The following STAB2 variants were observed in gnomAD, a reference collection of about 807,000 sequenced individuals.
STAB2 encodes stabilin-2.
A neutral mutation model predicts 338.1 loss-of-function variants in STAB2; 288 were observed. The ratio of observed to expected loss-of-function variants is 0.85; its 90% CI spans 0.77 to 0.94. The LOEUF is 0.94. STAB2 is among the 40% of genes least tolerant of loss of function. The pLI is 0.00. For missense variants in STAB2, 3,141 were observed against 3,210.1 expected, an observed-to-expected ratio of 0.98 and a Z score of 0.52; for synonymous variants, 1,202 against 1,193.3, an observed-to-expected ratio of 1.01 and a Z score of -0.15.
At position 103,620,400 on chromosome 12, in the gene STAB2, A is replaced by C. The variant is rs936479414; in HGVS notation, c.332-68A>C. Reference sequence around the variant, plus strand: ...CAACTAGCACACTTAGTAGGTGTTTAAGCGCATCCTTGCAGAATGCTTGTG... The same window carrying C: ...CAACTAGCACACTTAGTAGGTGTTTCAGCGCATCCTTGCAGAATGCTTGTG... On this transcript the variant is annotated intron_variant, in intron 3 of 68. Transcript: ENST00000388887. 1.5e-5 allele frequency: 21 copies of C among 1,414,764 alleles called. No homozygotes were observed. The African/African-American group carries it at 2.6e-4, about 17-fold the overall frequency. The allele number at this position is 1,414,764 out of a possible 1,614,324, so 87.6% of individuals were successfully genotyped here.
Position 103,713,857 on chromosome 12 carries a change from G to C in STAB2, c.4537+89G>C, listed in dbSNP as rs1880085110. The C allele has an allele frequency of 7.1e-6, 11 of 1,557,786 alleles. No homozygotes were observed. The South Asian group carries it at 1.2e-4, about 17-fold the overall frequency. On this transcript the variant is annotated intron_variant, in intron 42 of 68. Coordinates refer to ENST00000388887, the MANE Select transcript of STAB2 (RefSeq NM_017564.10). The stretch of plus-strand genomic sequence containing the variant: ...CCAACGTGTGTGCCCTGATTATCAG[G>C]ACACAAAACTGAGGTCAGTATTCCA...
At chr12:103,736,515 CTT>C (rs1416627947) in intron 52 of STAB2, among the ~76,000 whole-genome samples, 1 of 152,152 alleles carries the variant, frequency 6.6e-6, no homozygotes, top group Non-Finnish European at 1.5e-5. Flanking sequence ...AGTGTGCACT[CTT>C]GGGATTGTCC....
In STAB2 at chr12:103,655,436, A is replaced by G. The variant is rs967847092; in HGVS notation, c.1609-20A>G. ...GTCCAAGGTAGGCTGCAGATACAAA[A>G]TTTCATTTCCCAAATGCAGGAAACC... On this transcript the variant is annotated intron_variant, in intron 14 of 68. Transcript: ENST00000388887. 3.1e-6 allele frequency: 5 copies of G among 1,613,046 alleles called. No homozygotes were observed. The African/African-American group carries it at 6.7e-5, about 22-fold the overall frequency.
chr12:103,671,661 G>A (rs1199954030), intron 22 of STAB2, among the ~76,000 whole-genome samples: 1 of 152,180 alleles, frequency 6.6e-6, no homozygotes, highest in African/African-American at 2.4e-5. Context: ...ACCATGCCTA[G>A]TACAAAACAT....
chr12:103,749,298 C>T (rs1883369096), intron 59 of STAB2, 142 bp downstream of exon 59: 2 of 1,000,116 alleles, frequency 2.0e-6, no homozygotes, highest in Admixed American at 6.0e-5. Context: ...TGTTAAAAGT[C>T]ATTGGGCTAA....
At chr12:103,594,533 T>C (rs703597) in intron 3 of STAB2, 23 bp downstream of exon 3, 312,204 of 1,560,788 alleles carry the variant, frequency 0.2, 34,139 homozygotes, top group Non-Finnish European at 0.22. Context: ...ATGCTTGGAC[T>C]TTGAGACTTG....
chr12:103,666,430 C>A lies in STAB2; in HGVS notation c.2085+77C>A, dbSNP rs555267087. The stretch of plus-strand genomic sequence containing the variant: ...TGTGGTTTCTCAACCTATCTACCTT[C>A]CTTCTTTAGAAGATATTAATTGCAG... On this transcript the variant is annotated intron_variant, in intron 19 of 68. Transcript: ENST00000388887. The A allele has an allele frequency of 1.3e-5, 19 of 1,458,596 alleles. No homozygotes were observed. In the Admixed American group the frequency reaches 3.1e-4, roughly 24 times the overall value. 90.4% of individuals were successfully genotyped at this position (1,458,596 alleles called of 1,614,324 possible).
At position 103,765,702 on chromosome 12, in the gene STAB2, C is replaced by T. The variant is rs929802515; in HGVS notation, c.7606-584C>T. Among the ~76,000 whole-genome samples, 31 of 152,068 alleles carry T rather than the reference C, an allele frequency of 2.0e-4. 1 individual carries two copies. The highest frequency in any genetic ancestry group is 2.0e-3 in the Admixed American group (31 of 15,274). On this transcript the variant is annotated intron_variant, in intron 68 of 68. Transcript: ENST00000388887. ...AGTAGCTGGGCCTACAGGCATGTGC[C>T]ACCTAATTTTTGTATTTTTTGTAGA...
chr12:103,633,291 G>A (rs1422834906), intron 6 of STAB2, among the ~76,000 whole-genome samples: 1 of 152,246 alleles, frequency 6.6e-6, no homozygotes, highest in Non-Finnish European at 1.5e-5. Context: ...CAAATGACAA[G>A]AGACTAGGAC....
chr12:103,690,911 T>A (rs1877883128), intron 30 of STAB2, among the ~76,000 whole-genome samples: 1 of 152,264 alleles, frequency 6.6e-6, no homozygotes, highest in Non-Finnish European at 1.5e-5. Flanking sequence ...TGAAATTGAA[T>A]CTTTATAGAG....
rs201521933 is a variant in STAB2 at position 103,689,472 on chromosome 12, G to C, written c.3046-374G>C. ...CACTCCAGCTTGGGTGACAGAGTGA[G>C]ACTCCATCTCAAAAAAAAAAAGAAA... is the stretch of plus-strand genomic sequence containing the variant. On this transcript the variant is annotated intron_variant, in intron 28 of 68. Transcript: ENST00000388887. Among the ~76,000 whole-genome samples the C allele has an allele frequency of 1.3e-4, 18 of 143,870 alleles. No individual in the cohort carries two copies. The East Asian group carries it at 3.1e-3, about 25-fold the overall frequency. The allele number at this position is 143,870 out of a possible 152,430, so 94.4% of individuals were successfully genotyped here.
chr12:103,688,119 C>A, intron 27 of STAB2, 49 bp from the exon 28 acceptor site: 1 of 1,562,622 alleles, frequency 6.4e-7, no homozygotes, highest in South Asian at 1.1e-5. Context: ...TGTTCTTTCT[C>A]TGTGTTCTCT....
chr12:103,670,222 G>T (rs1308056267), intron 21 of STAB2, among the ~76,000 whole-genome samples: 2 of 152,186 alleles, frequency 1.3e-5, no homozygotes, highest in African/African-American at 4.8e-5. Context: ...ACAAATGACT[G>T]CGGCCAGGGG....
intron 63 of STAB2, chr12:103,757,909 C>A: frequency 8.2e-6 from 4 of 488,880 alleles, no homozygotes; most frequent in East Asian, 3.6e-5. Flanking sequence ...ATTTGATGCA[C>A]CTTTCAAAGG....
chr12:103,627,830 G>A (rs1422776141), intron 5 of STAB2, among the ~76,000 whole-genome samples: 1 of 152,216 alleles, frequency 6.6e-6, no homozygotes, highest in Non-Finnish European at 1.5e-5. Context: ...CCTCCACTGG[G>A]TGCATGACAA....
chr12:103,637,570 C>T (rs1007384732), intron 7 of STAB2, among the ~76,000 whole-genome samples: 1 of 152,000 alleles, frequency 6.6e-6, no homozygotes, highest in African/African-American at 2.4e-5. Context: ...CAAGCCAGAC[C>T]GTCTGGGTTC....
chr12:103,722,697 G>T (rs1240749654), intron 44 of STAB2, among the ~76,000 whole-genome samples: 1 of 151,956 alleles, frequency 6.6e-6, no homozygotes, highest in Non-Finnish European at 1.5e-5. Flanking sequence ...GTCAGTCTTT[G>T]TTCATCTATA....
Position 103,673,935 on chromosome 12 carries a change from T to C in STAB2, c.2400T>C (p.Asn800=). 6.2e-7 allele frequency: 1 copy of C among 1,613,726 alleles called. No homozygotes were observed. The highest frequency in any genetic ancestry group is 8.5e-7 in the Non-Finnish European group (1 of 1,179,756). Residue 800 remains asparagine, a synonymous_variant, in exon 23 of 69, where the codon AAT becomes AAC. Transcript: ENST00000388887. ...GCCTGTGCGTTCACGGAACATGCAATAACAGGATAGACAGCGATGGGGCCT... is the reference window on the plus strand; with the variant it reads ...GCCTGTGCGTTCACGGAACATGCAACAACAGGATAGACAGCGATGGGGCCT... The part of the protein sequence containing the change: ...KKCLCVHGTC[N]NRIDSDGACL...
intron 25 of STAB2, among the ~76,000 whole-genome samples, chr12:103,682,340 C>G (rs78015711): frequency 0.033 from 5,031 of 152,230 alleles, 269 homozygotes; most frequent in African/African-American, 0.11. Flanking sequence ...AGGGGAGGAT[C>G]GAGACTGCCC....
Sources: gnomAD v4.1 joint callset for allele counts (sites outside exome capture counted in the v4.1 genomes callset) on GRCh38, gnomAD v4.1.1 for gene constraint, MANE v1.5 for transcripts, NCBI Gene and HGNC (gene_info 2026-07-23, HGNC 2026-07-21) for gene names.